Variants in LMF1 observed in about 807,000 individuals in gnomAD.
The protein encoded by LMF1 is transmembrane protein 112.
LMF1 carries 68 observed loss-of-function variants against 60.6 expected under a neutral mutation model. The ratio of observed to expected loss-of-function variants is 1.12; its 90% confidence interval spans 0.92 to 1.37. The LOEUF (loss-of-function observed/expected upper bound fraction) is 1.37, where lower values mean the gene tolerates loss of function less well. Among genes scored for constraint, LMF1 ranks in the 40% most tolerant of loss-of-function variants. The pLI, the probability that LMF1 is intolerant of heterozygous loss-of-function variation, is 0.00. For missense variants in LMF1, 948 were observed against 767.2 expected (o/e 1.24, Z -2.78); for synonymous variants, 418 against 324.7 (o/e 1.29, Z -3.09).
intron 4 of LMF1, among the ~76,000 whole-genome samples, chr16:894,930 AGCTGACAGG>A (rs1459936273): frequency 6.6e-6 from 1 of 152,076 alleles, no homozygotes; most frequent in African/African-American, 2.4e-5. Context: ...GCCCGGACAG[AGCTGACAGG>A]GCTGTCCTGG....
intron 2 of LMF1, chr16:947,461 G>A (rs761982286): frequency 8.6e-5 from 39 of 456,008 alleles, no homozygotes; most frequent in East Asian, 6.3e-4. Flanking sequence ...CACCGAGGGC[G>A]GTGTCCCTGG....
intron 1 of LMF1, among the ~76,000 whole-genome samples, chr16:969,559 A>T (rs773316438): frequency 2.0e-5 from 3 of 152,232 alleles, no homozygotes; most frequent in East Asian, 1.9e-4. Flanking sequence ...GGCTGTGCAA[A>T]GAAGAACTTC....
chr16:875,338 T>C (rs1005000357), intron 6 of LMF1, among the ~76,000 whole-genome samples: 4 of 152,092 alleles, frequency 2.6e-5, no homozygotes, highest in African/African-American at 7.2e-5. Flanking sequence ...GGAGGGTCCC[T>C]GTCTGCCTGC....
At chr16:895,134 G>T (rs1486826718) in intron 4 of LMF1, among the ~76,000 whole-genome samples, 1 of 152,190 alleles carries the variant, frequency 6.6e-6, no homozygotes, top group Non-Finnish European at 1.5e-5. Context: ...CGGGAGACTG[G>T]CCTCCAGACG....
chr16:904,574 T>C (rs28609039), intron 4 of LMF1, among the ~76,000 whole-genome samples: 74 of 48,582 alleles, frequency 1.5e-3, no homozygotes, highest in African/African-American at 4.7e-3. Context: ...GTGGTGACCT[T>C]TGCACTGCCC....
intron 4 of LMF1, chr16:898,887 C>G (rs1417312265): frequency 6.6e-6 from 1 of 152,250 alleles, no homozygotes; most frequent in Admixed American, 6.5e-5. Flanking sequence ...ACGACGTGCA[C>G]TTCAATAGAA....
intron 5 of LMF1, among the ~76,000 whole-genome samples, chr16:892,591 G>A (rs1567194254): frequency 6.6e-6 from 1 of 152,240 alleles, no homozygotes; most frequent in African/African-American, 2.4e-5. Context: ...ACACCTGCCC[G>A]TGTCCAGGTA....
chr16:911,123 A>G, intron 3 of LMF1, 44 bp from the exon 4 acceptor site: 1 of 1,584,172 alleles, frequency 6.3e-7, no homozygotes, highest in Non-Finnish European at 8.6e-7. Flanking sequence ...TGGAAGCCAC[A>G]CATTTCACAA....
In LMF1 at chr16:853,684, C is replaced by G. The variant is rs1241499689; in HGVS notation, c.*848G>C. 2.2e-6 allele frequency: 1 copy of G among 454,072 alleles called. No homozygotes were observed. Among genetic ancestry groups the G allele is most frequent in the Non-Finnish European group, 4.4e-6 (1 of 226,740 alleles). The allele number at this position is 454,072 out of a possible 1,614,324, so 28.1% of individuals were successfully genotyped here. A position where few individuals can be genotyped will look rare whatever the true frequency, so the allele number is the denominator to read the frequency against. ...TAATAGGAATAGTAGAAGAATATGCCATAGCTATGGCTCAAGAATAGGAAT... is the reference window on the plus strand; with the variant it reads ...TAATAGGAATAGTAGAAGAATATGCGATAGCTATGGCTCAAGAATAGGAAT... On this transcript the variant is annotated 3_prime_UTR_variant, in exon 11 of 11. Transcript: ENST00000262301.
upstream of LMF1, among the ~76,000 whole-genome samples, chr16:971,294 C>T (rs1302948195): frequency 5.9e-5 from 9 of 152,232 alleles, no homozygotes; most frequent in Non-Finnish European, 1.3e-4. Context: ...GCGTGCCTTC[C>T]GTCAGTCCGA....
intron 4 of LMF1, among the ~76,000 whole-genome samples, chr16:893,511 G>A (rs950513929): frequency 4.6e-5 from 7 of 152,118 alleles, no homozygotes; most frequent in South Asian, 2.1e-4. Flanking sequence ...TCTCAGCCCC[G>A]CCCCCTGCGG....
At chr16:971,974 TC>T (rs1388924245), upstream of LMF1, among the ~76,000 whole-genome samples, 1 of 152,262 alleles carries the variant, frequency 6.6e-6, no homozygotes, top group Non-Finnish European at 1.5e-5. Context: ...CTTTTGCCTC[TC>T]TAGCTTTCCT....
chr16:878,045 C>T lies in LMF1; in HGVS notation c.897+1525G>A, dbSNP rs7184207. 4.7e-3 allele frequency among the ~76,000 whole-genome samples: 718 copies of T among 152,072 alleles called. 9 individuals carry two copies. The highest frequency in any genetic ancestry group is 0.016 in the African/African-American group (677 of 41,456). ...GCCCCCAAACACACATGGGGTCTGG[C>T]TACACGGAACCGACTGAAGCTATTC... On this transcript the variant is annotated intron_variant, in intron 6 of 10. Transcript: ENST00000262301. The surrounding 1 kb of genome is among the most constrained non-coding windows in gnomAD (Gnocchi z 5.2).
At position 954,455 on chromosome 16, in the gene LMF1, G is replaced by T. The variant is rs754858540; in HGVS notation, c.405C>A (p.Gly135=). The T allele has an allele frequency of 6.2e-7, 1 of 1,612,892 alleles. No homozygotes were observed. Among genetic ancestry groups the T allele is most frequent in the East Asian group, 2.2e-5 (1 of 44,852 alleles). ...NLDLLALLGL[G]ISSFVLITGC... Reference sequence around the variant, plus strand: ...CCGTGATCAGTACGAAAGACGAGATGCCCAGTCCGAGAAGAGCCAGCAAGT... The same window carrying T: ...CCGTGATCAGTACGAAAGACGAGATTCCCAGTCCGAGAAGAGCCAGCAAGT... Residue 135 remains glycine (G), a synonymous_variant, in exon 2 of 11, where the codon GGC becomes GGA. Transcript: ENST00000262301.
Position 942,491 on chromosome 16 carries a change from G to A in LMF1, c.504-8237C>T, listed in dbSNP as rs557704623. On this transcript the variant is annotated intron_variant, in intron 2 of 10. Transcript: ENST00000262301. Reference sequence around the variant, plus strand: ...CCATTTTCTGTGTCCTCTCTCTGTGGGGCTCCAATCACAAGTATGTTAGAC... The same window carrying A: ...CCATTTTCTGTGTCCTCTCTCTGTGAGGCTCCAATCACAAGTATGTTAGAC... 7.2e-5 allele frequency among the ~76,000 whole-genome samples: 11 copies of A among 151,866 alleles called. No individual in the cohort carries two copies. The South Asian group carries it at 2.1e-3, about 29-fold the overall frequency.
At chr16:916,970 T>C (rs184340624) in intron 3 of LMF1, among the ~76,000 whole-genome samples, 29 of 152,346 alleles carry the variant, frequency 1.9e-4, no homozygotes, top group Admixed American at 1.9e-3. Flanking sequence ...TCCGGGTCTG[T>C]TACGGCTATT....
At chr16:938,437 T>C (rs4984722) in intron 2 of LMF1, among the ~76,000 whole-genome samples, 72,367 of 151,110 alleles carry the variant, frequency 0.48, 18,895 homozygotes, top group African/African-American at 0.7. Flanking sequence ...TGGCAGCTCG[T>C]GGGGATGGCA....
chr16:855,591 C>G (rs946164936), intron 10 of LMF1: 4 of 413,326 alleles, frequency 9.7e-6, no homozygotes, highest in African/African-American at 8.2e-5. Flanking sequence ...TCCCGGCCCT[C>G]CAGGCCCCTT....
chr16:970,312 C>A (rs1395954223), intron 1 of LMF1, among the ~76,000 whole-genome samples: 1 of 152,192 alleles, frequency 6.6e-6, no homozygotes, highest in Non-Finnish European at 1.5e-5. Context: ...ACAGTGGGAA[C>A]CTTCACCGTC....
Sources: allele counts gnomAD v4.1 joint callset (sites outside exome capture counted in the v4.1 genomes callset), GRCh38; gene constraint gnomAD v4.1.1; non-coding constraint Gnocchi (gnomAD v3.1); transcripts MANE v1.5; gene names NCBI Gene and HGNC (gene_info 2026-07-23, HGNC 2026-07-21).